The following DPY19L3 variants were observed in gnomAD, a reference collection of about 807,000 sequenced individuals.
DPY19L3 encodes the protein protein C-mannosyl-transferase DPY19L3.
In DPY19L3, 51 loss-of-function variants were observed where a neutral mutation model predicts 92.3. The observed-to-expected ratio is 0.55, with a 90% CI of 0.44 to 0.70. The LOEUF (loss-of-function observed/expected upper bound fraction) is 0.70, where lower values mean the gene tolerates loss of function less well. Among genes scored for constraint, DPY19L3 ranks in the 30% least tolerant of loss-of-function variants. The probability of loss-of-function intolerance (pLI) is 0.00; values close to 1 mark genes in which losing one functional copy is unlikely to be tolerated. For synonymous variants in DPY19L3, 309 were observed against 315.2 expected, an observed-to-expected ratio of 0.98 and a Z score of 0.21; for missense variants, 706 against 855.9, an observed-to-expected ratio of 0.82 and a Z score of 2.18.
intron 8 of DPY19L3, among the ~76,000 whole-genome samples, chr19:32,450,075 G>A (rs891946285): frequency 6.6e-6 from 1 of 152,108 alleles, no homozygotes; most frequent in Non-Finnish European, 1.5e-5. Flanking sequence ...AAATAGCAAA[G>A]GATTTGGGTA....
At position 32,463,384 on chromosome 19, in the gene DPY19L3, A is replaced by G. The variant is rs200668957; in HGVS notation, c.1341A>G (p.Gln447=). Residue 447 remains glutamine (Q), a synonymous_variant, in exon 13 of 19, where the codon CAA becomes CAG. Transcript: ENST00000392250. ...TACTCAGTGATTCTACAAATCAACA[A>G]TCCGTGGGTAAAATGGAAAAAGGCA... The part of the protein sequence containing the change: ...FHNLSDSTNQ[Q]SVGKMEKGTV... 6 of 1,613,796 alleles carry G rather than the reference A, an allele frequency of 3.7e-6. No homozygotes were observed. The highest frequency in any genetic ancestry group is 1.7e-5 in the Admixed American group (1 of 60,016).
At chr19:32,464,667 GTC>G (rs2145600853) in intron 14 of DPY19L3, 59 bp from the exon 15 acceptor site, 5 of 1,080,880 alleles carry the variant, frequency 4.6e-6, no homozygotes, top group Non-Finnish European at 6.6e-6. Flanking sequence ...GCAAGACCCT[GTC>G]TCTCAAAAAA....
intron 3 of DPY19L3, among the ~76,000 whole-genome samples, chr19:32,423,710 G>C (rs1056336188): frequency 6.6e-6 from 1 of 152,136 alleles, no homozygotes. Flanking sequence ...AAGGGGAAGA[G>C]AGGGTAAAAG....
At chr19:32,456,407 T>C (rs779770593) in intron 10 of DPY19L3, among the ~76,000 whole-genome samples, 1 of 151,986 alleles carries the variant, frequency 6.6e-6, no homozygotes, top group South Asian at 2.1e-4. Context: ...CAAGTACTTA[T>C]CAATAATTTA....
intron 3 of DPY19L3, among the ~76,000 whole-genome samples, chr19:32,423,402 A>ATTTTTTTTTTTTTTTTTTTTTTTTT (rs71176123): frequency 1.9e-4 from 16 of 82,216 alleles, no homozygotes; most frequent in Non-Finnish European, 3.1e-4. Context: ...TGCCCAGCTA[A>ATTTTTTTTTTTTTTTTTTTTTTTTT]TTTTTTTTTT....
intron 3 of DPY19L3, among the ~76,000 whole-genome samples, chr19:32,432,205 T>C (rs940412397): frequency 4.6e-5 from 7 of 152,204 alleles, no homozygotes; most frequent in African/African-American, 1.4e-4. Flanking sequence ...TGAATACTTA[T>C]CTAAAAGCAG....
intron 4 of DPY19L3, among the ~76,000 whole-genome samples, chr19:32,434,379 G>A (rs1969068334): frequency 6.6e-6 from 1 of 152,174 alleles, no homozygotes; most frequent in Admixed American, 6.5e-5. Context: ...CTCTGAGCCT[G>A]GGCGCAGTGG....
intron 9 of DPY19L3, among the ~76,000 whole-genome samples, chr19:32,454,122 A>T (rs1374791718): frequency 1.3e-5 from 2 of 152,244 alleles, no homozygotes; most frequent in Non-Finnish European, 2.9e-5. Context: ...CTCGTATTTG[A>T]ACTGTTAAGA....
intron 3 of DPY19L3, among the ~76,000 whole-genome samples, chr19:32,429,894 G>A (rs577888804): frequency 6.6e-6 from 1 of 152,236 alleles, no homozygotes; most frequent in African/African-American, 2.4e-5. Flanking sequence ...TTCTAGAAAC[G>A]AGTGATACCA....
intron 4 of DPY19L3, among the ~76,000 whole-genome samples, chr19:32,435,857 A>C (rs1255651945): frequency 1.3e-5 from 2 of 152,162 alleles, no homozygotes; most frequent in Non-Finnish European, 2.9e-5. Context: ...GTTCTCCTTC[A>C]TCCTTCTCAT....
intron 3 of DPY19L3, among the ~76,000 whole-genome samples, chr19:32,426,669 C>A (rs1272027851): frequency 2.6e-5 from 4 of 152,306 alleles, no homozygotes; most frequent in South Asian, 2.1e-4. Context: ...CACCGTCTTA[C>A]ATGGGTGTGG....
chr19:32,421,748 A>C (rs1968578913), intron 3 of DPY19L3, among the ~76,000 whole-genome samples: 1 of 152,052 alleles, frequency 6.6e-6, no homozygotes, highest in South Asian at 2.1e-4. Context: ...CAGCACCCTG[A>C]GTAGGACCAT....
At chr19:32,471,534 G>T (rs748470493) in intron 16 of DPY19L3, among the ~76,000 whole-genome samples, 1 of 152,136 alleles carries the variant, frequency 6.6e-6, no homozygotes, top group Non-Finnish European at 1.5e-5. Flanking sequence ...CACCCCTTAC[G>T]TGACGTGTTG....
chr19:32,459,197 T>C (rs569009821), intron 12 of DPY19L3, among the ~76,000 whole-genome samples: 2 of 152,338 alleles, frequency 1.3e-5, no homozygotes, highest in East Asian at 1.9e-4. Context: ...ATCAGGAGTA[T>C]GAAGGCTTTT....
chr19:32,414,635 T>A (rs1264398891), intron 3 of DPY19L3, among the ~76,000 whole-genome samples: 1 of 151,670 alleles, frequency 6.6e-6, no homozygotes, highest in East Asian at 1.9e-4. Context: ...TCCCTAGAAT[T>A]AAACCATGTA....
rs749714159 is a variant in DPY19L3, at chr19:32,480,436, T to C, written c.1868T>C (p.Val623Ala). 3.1e-6 allele frequency: 5 copies of C among 1,613,964 alleles called. No individual in the cohort carries two copies. Among genetic ancestry groups the C allele is most frequent in the African/African-American group, 1.3e-5 (1 of 75,056 alleles). Residue 623 changes from valine (V) to alanine (A), a missense_variant, in exon 18 of 19, where the codon GTG becomes GCG. Coordinates refer to ENST00000392250, the MANE Select transcript of DPY19L3 (RefSeq NM_001172774.2). ...QIYAKRAPEEVHALLRSFGTD... is the reference protein window; with the variant it reads ...QIYAKRAPEEAHALLRSFGTD... ...TATGCCAAGAGGGCACCAGAGGAAG[T>C]GCATGCCCTCCTAAGGTCCTTCGGC...
chr19:32,421,019 C>T (rs1968550525), intron 3 of DPY19L3, among the ~76,000 whole-genome samples: 2 of 152,094 alleles, frequency 1.3e-5, no homozygotes, highest in Non-Finnish European at 2.9e-5. Context: ...ACATACTATG[C>T]TTTTTCCATA....
chr19:32,482,040 T>A (rs1378666299), intron 18 of DPY19L3, 39 bp from the exon 19 acceptor site: 2 of 1,597,646 alleles, frequency 1.3e-6, no homozygotes, highest in Non-Finnish European at 1.7e-6. Context: ...TAAATAGAAT[T>A]TTCCCCCCAA....
intron 17 of DPY19L3, among the ~76,000 whole-genome samples, chr19:32,480,102 A>C (rs1970627865): frequency 6.6e-6 from 1 of 152,208 alleles, no homozygotes; most frequent in Non-Finnish European, 1.5e-5. Context: ...TTGGGAAAGC[A>C]GTCTTAGAAT....
Sources: allele counts gnomAD v4.1 joint callset (sites outside exome capture counted in the v4.1 genomes callset), GRCh38; gene constraint gnomAD v4.1.1; transcripts MANE v1.5; gene names NCBI Gene and HGNC (gene_info 2026-07-23, HGNC 2026-07-21).